PTCHD4: variants seen among roughly 807,000 people sequenced by gnomAD.
PTCHD4 encodes the protein patched domain containing 4, also known as patched domain-containing protein 4.
In PTCHD4, 33 loss-of-function variants were observed where a neutral mutation model predicts 58.1. That is an observed-to-expected ratio of 0.57 (90% CI 0.43 to 0.76). The LOEUF (loss-of-function observed/expected upper bound fraction) is 0.76. Ranked by LOEUF, PTCHD4 falls within the 30% of genes least tolerant of loss-of-function variation. The pLI is 0.00. For missense variants in PTCHD4, 1,058 were observed against 1,027.1 expected (o/e 1.03, Z -0.41); for synonymous variants, 478 against 409.6 (o/e 1.17, Z -2.02).
In PTCHD4 at chr6:47,976,762, T is replaced by C. The variant is rs141532916; in HGVS notation, c.898+31872A>G. Among the ~76,000 whole-genome samples, 3 of 151,832 alleles carry C rather than the reference T, an allele frequency of 2.0e-5. No individual in the cohort carries two copies. The East Asian group carries it at 5.8e-4, about 29-fold the overall frequency. On this transcript the variant is annotated intron_variant, in intron 4 of 4. Coordinates refer to ENST00000339488, the MANE Select transcript of PTCHD4 (RefSeq NM_001384253.1). ...TCTTAAAAATGGGAAAGAATATAAA[T>C]AGATAATTTACAGAAGAAAAATTTA... is the stretch of plus-strand genomic sequence containing the variant.
rs1374298372 is a variant in PTCHD4, at chr6:47,870,270, TAGATAATA to T, written c.*8025_*8032del. Among the ~76,000 whole-genome samples the T allele has an allele frequency of 6.6e-6, 1 of 151,648 alleles. No individual in the cohort carries two copies. On this transcript the variant is annotated 3_prime_UTR_variant, in exon 5 of 5. Coordinates refer to ENST00000339488, the MANE Select transcript of PTCHD4 (RefSeq NM_001384253.1). The stretch of plus-strand genomic sequence containing the variant: ...TCTTAAGATTTGTACCTGTAAGCTT[TAGATAATA>T]GATTTGTCATGCAGATAAATTATGA...
At chr6:47,905,980 C>A (rs1196594998) in intron 4 of PTCHD4, among the ~76,000 whole-genome samples, 1 of 152,218 alleles carries the variant, frequency 6.6e-6, no homozygotes, top group African/African-American at 2.4e-5. Context: ...TGTGGGGCCC[C>A]TGGGGGCCCA....
chr6:48,083,991 T>C (rs1765213946), intron 1 of PTCHD4, among the ~76,000 whole-genome samples: 1 of 152,072 alleles, frequency 6.6e-6, no homozygotes, highest in Non-Finnish European at 1.5e-5. Flanking sequence ...AGATAATAAA[T>C]GGGAGTTGTA....
At chr6:47,910,730 A>T (rs1379781774) in intron 4 of PTCHD4, among the ~76,000 whole-genome samples, 1 of 151,598 alleles carries the variant, frequency 6.6e-6, no homozygotes, top group Non-Finnish European at 1.5e-5. Flanking sequence ...AGAGACGTGT[A>T]GTCTCTTCTC....
chr6:47,985,938 A>G (rs141041331), intron 4 of PTCHD4, among the ~76,000 whole-genome samples: 168 of 152,118 alleles, frequency 1.1e-3, no homozygotes, highest in African/African-American at 3.9e-3. Flanking sequence ...ATTTCAGCCT[A>G]TATTGAACTG....
At position 47,863,859 on chromosome 6, in the gene PTCHD4, T is replaced by C. The variant is rs1156655308; in HGVS notation, c.*14444A>G. On this transcript the variant is annotated 3_prime_UTR_variant, in exon 5 of 5. Transcript: ENST00000339488. ...TACTAAGGCCATCCCTTCAAGAGTT[T>C]AAAAAGTCTTCTAGATGAGTTCTAC... is the stretch of plus-strand genomic sequence containing the variant. 2.6e-5 allele frequency among the ~76,000 whole-genome samples: 4 copies of C among 151,998 alleles called. No individual in the cohort carries two copies. Among genetic ancestry groups the C allele is most frequent in the African/African-American group, 9.7e-5 (4 of 41,410 alleles).
chr6:48,028,579 C>T (rs565214432), intron 3 of PTCHD4, among the ~76,000 whole-genome samples: 10 of 151,868 alleles, frequency 6.6e-5, no homozygotes, highest in African/African-American at 1.9e-4. Flanking sequence ...TCTAAGTAAC[C>T]GAGTATTTTT....
At chr6:48,039,053 G>T (rs1052308701) in intron 3 of PTCHD4, among the ~76,000 whole-genome samples, 3 of 152,162 alleles carry the variant, frequency 2.0e-5, no homozygotes, top group Non-Finnish European at 4.4e-5. Context: ...TAGCTGGGGA[G>T]CCTGGACAAA....
At position 48,051,706 on chromosome 6, in the gene PTCHD4, G is replaced by T. The variant is rs577659470; in HGVS notation, c.417+16524C>A. ...CAGAGTAACTGATCATAGCAAAATAGTTCCCTGCTTGCAGAGAGCAGCTCT... is the reference window on the plus strand; with the variant it reads ...CAGAGTAACTGATCATAGCAAAATATTTCCCTGCTTGCAGAGAGCAGCTCT... On this transcript the variant is annotated intron_variant, in intron 3 of 4. Transcript: ENST00000339488. Among the ~76,000 whole-genome samples the T allele has an allele frequency of 8.7e-4, 132 of 152,000 alleles. 1 individual carries two copies. Among genetic ancestry groups the T allele is most frequent in the Non-Finnish European group, 1.5e-3 (105 of 67,892 alleles).
At chr6:48,004,034 G>A (rs558095985) in intron 4 of PTCHD4, among the ~76,000 whole-genome samples, 1 of 152,176 alleles carries the variant, frequency 6.6e-6, no homozygotes, top group Admixed American at 6.6e-5. Context: ...ATATAACATA[G>A]TTTATATTTC....
rs1763772801 is a variant in PTCHD4, at chr6:47,873,564, T to C, written c.*4739A>G. Among the ~76,000 whole-genome samples the C allele has an allele frequency of 6.6e-6, 1 of 151,770 alleles. No homozygotes were observed. Reference sequence around the variant, plus strand: ...CTGGATCTCATGCAGTGTGGCTTTGTTGCTTTCACTTATGATTTTGCTGCT... The same window carrying C: ...CTGGATCTCATGCAGTGTGGCTTTGCTGCTTTCACTTATGATTTTGCTGCT... On this transcript the variant is annotated 3_prime_UTR_variant, in exon 5 of 5. Transcript: ENST00000339488.
At chr6:47,983,396 C>T (rs1767954432) in intron 4 of PTCHD4, among the ~76,000 whole-genome samples, 1 of 152,028 alleles carries the variant, frequency 6.6e-6, no homozygotes, top group African/African-American at 2.4e-5. Context: ...GTTTAGTTCT[C>T]AGTGGTTTAA....
At position 48,008,929 on chromosome 6, in the gene PTCHD4, C is replaced by G. The variant is rs768137844; in HGVS notation, c.603G>C (p.Lys201Asn). 5.0e-6 allele frequency: 8 copies of G among 1,613,988 alleles called. No homozygotes were observed. In the South Asian group the frequency reaches 8.8e-5, roughly 18 times the overall value. ...GGAGTTCTTGATGCTCCTCCTGGAG[C>G]TTCCTTATAAGCTTACAGAACTCAT... is the stretch of plus-strand genomic sequence containing the variant. The part of the protein sequence containing the change: ...WENEFCKLIR[K>N]LQEEHQELQL... The change falls in exon 4 of 5, where the codon AAG (lysine) becomes AAC (asparagine). Residue 201 changes from lysine (K) to asparagine (N), a missense_variant. Lys to Asn is a moderately conservative substitution (Grantham distance 94, BLOSUM62 0). Coordinates refer to ENST00000339488, the MANE Select transcript of PTCHD4 (RefSeq NM_001384253.1).
rs1368690420 is a variant in PTCHD4, at chr6:48,069,870, TC to T, written c.-914del. On this transcript the variant is annotated 5_prime_UTR_variant, in exon 2 of 5. The change creates a premature stop within an existing upstream ORF in the 5' untranslated region. Coordinates refer to ENST00000339488, the MANE Select transcript of PTCHD4 (RefSeq NM_001384253.1). Reference sequence around the variant, plus strand: ...CAAGCCATCTGGTTCAGGCTAATTTTCCCCTGTGAGTGGAATTCCAGAAACA... The same window carrying T: ...CAAGCCATCTGGTTCAGGCTAATTTTCCCTGTGAGTGGAATTCCAGAAACA... 6.6e-6 allele frequency among the ~76,000 whole-genome samples: 1 copy of T among 151,928 alleles called. No individual in the cohort carries two copies. The highest frequency in any genetic ancestry group is 1.5e-5 in the Non-Finnish European group (1 of 68,000).
chr6:48,043,722 C>A (rs1763930439), intron 3 of PTCHD4, among the ~76,000 whole-genome samples: 1 of 151,774 alleles, frequency 6.6e-6, no homozygotes, highest in Non-Finnish European at 1.5e-5. Flanking sequence ...AAGCTCATTG[C>A]AATATTCAAA....
rs12665377 is a variant in PTCHD4, at chr6:47,871,812, C to T, written c.*6491G>A. Reference sequence around the variant, plus strand: ...TCCTAGTTCAGAGCAAAAAAGTCTACTGCTGAAAAATATGCATAATTAACA... The same window carrying T: ...TCCTAGTTCAGAGCAAAAAAGTCTATTGCTGAAAAATATGCATAATTAACA... On this transcript the variant is annotated 3_prime_UTR_variant, in exon 5 of 5. Transcript: ENST00000339488. Among the ~76,000 whole-genome samples, 100,876 of 151,362 alleles carry T rather than the reference C, an allele frequency of 0.67. 34,104 individuals carry two copies. Among genetic ancestry groups the T allele is most frequent in the East Asian group, 0.78 (3,992 of 5,112 alleles).
intron 3 of PTCHD4, among the ~76,000 whole-genome samples, chr6:48,028,858 T>C (rs1416507723): frequency 1.3e-5 from 2 of 152,116 alleles, no homozygotes; most frequent in African/African-American, 2.4e-5. Flanking sequence ...TACCTCAAAC[T>C]AACTTTGAGA....
chr6:47,892,120 G>T (rs1764399285), intron 4 of PTCHD4, among the ~76,000 whole-genome samples: 1 of 152,136 alleles, frequency 6.6e-6, no homozygotes, highest in African/African-American at 2.4e-5. Context: ...TATTAACATA[G>T]GAGGAGGGAG....
chr6:48,068,411 T>A lies in PTCHD4; in HGVS notation c.236A>T (p.Lys79Met). The change falls in exon 3 of 5, where the codon AAG becomes ATG. Residue 79 changes from lysine (K) to methionine (M), a missense_variant. Coordinates refer to ENST00000339488, the MANE Select transcript of PTCHD4 (RefSeq NM_001384253.1). The surrounding 1 kb of genome is among the most constrained non-coding windows in gnomAD (Gnocchi z 4.2). ...RLVAPSHSLA[K>M]IERSLASSLF... The stretch of plus-strand genomic sequence containing the variant: ...GCTGCTGGCCAGGCTGCGCTCGATC[T>A]TGGCCAGGCTGTGGCTGGGAGCGAC... 6.2e-7 allele frequency: 1 copy of A among 1,613,958 alleles called. No individual in the cohort carries two copies. The highest frequency in any genetic ancestry group is 8.5e-7 in the Non-Finnish European group (1 of 1,179,882).
Sources: gnomAD v4.1 joint callset for allele counts (sites outside exome capture counted in the v4.1 genomes callset) on GRCh38, gnomAD v4.1.1 for gene constraint, Gnocchi (gnomAD v3.1) non-coding constraint, MANE v1.5 for transcripts, NCBI Gene and HGNC (gene_info 2026-07-23, HGNC 2026-07-21) for gene names.